The following ANKRD23 variants were observed in gnomAD, a reference collection of about 807,000 sequenced individuals.
The protein encoded by ANKRD23 is ankyrin repeat domain-containing protein 23.
Under a neutral mutation model 38.1 loss-of-function variants are expected in ANKRD23, and 52 were observed. The observed-to-expected ratio is 1.36, with a 90% CI of 1.09 to 1.72. ANKRD23 has a LOEUF of 1.72. ANKRD23 is among the 40% of genes most tolerant of loss of function. The probability of loss-of-function intolerance (pLI) is 0.00; values close to 1 mark genes in which losing one functional copy is unlikely to be tolerated. For missense variants in ANKRD23, 416 were observed against 400.2 expected (o/e 1.04, Z -0.34); for synonymous variants, 167 against 162.9 (o/e 1.03, Z -0.19).
rs1330623898 is a variant in ANKRD23, at chr2:96,840,323, C to T, written c.533G>A (p.Arg178Lys). 2.5e-6 allele frequency: 4 copies of T among 1,606,370 alleles called. No homozygotes were observed. In the South Asian group the frequency reaches 3.3e-5, roughly 13 times the overall value. Reference protein sequence around the residue: ...ATVDARDLLDRTPVFWACRGG... With the variant: ...ATVDARDLLDKTPVFWACRGG... Reference sequence around the variant, plus strand: ...GCGGCAGGCCCAGAACACAGGTGTCCTGTCCAGCTGCAAAACAAAAGCACC... The same window carrying T: ...GCGGCAGGCCCAGAACACAGGTGTCTTGTCCAGCTGCAAAACAAAAGCACC... Residue 178 changes from arginine (R) to lysine (K), a missense_variant, in exon 6 of 9, where the codon AGG becomes AAG. Transcript: ENST00000318357.
rs762667075 is a variant in ANKRD23 at position 96,843,948 on chromosome 2, T to C, written c.27+18A>G. On this transcript the variant is annotated intron_variant, in intron 1 of 8. Coordinates refer to ENST00000318357, the MANE Select transcript of ANKRD23 (RefSeq NM_144994.8). ...AGCCGGTCCCAGGGTGCCTCCCACCTCCGTCCCACATCCTTACCAACTGCT... is the reference window on the plus strand; with the variant it reads ...AGCCGGTCCCAGGGTGCCTCCCACCCCCGTCCCACATCCTTACCAACTGCT... The C allele has an allele frequency of 6.2e-7, 1 of 1,603,904 alleles. No homozygotes were observed. The highest frequency in any genetic ancestry group is 1.7e-5 in the Admixed American group (1 of 58,342).
At chr2:96,843,701 G>A (rs911977836) in intron 1 of ANKRD23, among the ~76,000 whole-genome samples, 2 of 152,172 alleles carry the variant, frequency 1.3e-5, no homozygotes, top group Non-Finnish European at 2.9e-5. Context: ...ACGCTCAGCC[G>A]GGTGTGGGGG....
rs1297558675 is a variant in ANKRD23 at position 96,838,218 on chromosome 2, A to G, written c.*1331T>C. 8 of 468,134 alleles carry G rather than the reference A, an allele frequency of 1.7e-5. No homozygotes were observed. The highest frequency in any genetic ancestry group is 4.0e-4 in the Middle Eastern group (1 of 2,470). The allele number at this position is 468,134 out of a possible 1,614,324, so 29.0% of individuals were successfully genotyped here. On this transcript the variant is annotated 3_prime_UTR_variant, in exon 9 of 9. Transcript: ENST00000318357. ...GAAAAGGAACCATGGCCAAATGCCT[A>G]TCAATCAGCCCGGTACCTAATGTAA...
Position 96,838,385 on chromosome 2 carries a change from C to T in ANKRD23, c.*1164G>A, listed in dbSNP as rs1175610644. ...CCCCACCAGCAGTACAGGCCTACAC[C>T]AGTGTAATTTGAAACGTACAGACGG... On this transcript the variant is annotated 3_prime_UTR_variant, in exon 9 of 9. Coordinates refer to ENST00000318357, the MANE Select transcript of ANKRD23 (RefSeq NM_144994.8). 1 of 988,026 alleles carries T rather than the reference C, an allele frequency of 1.0e-6. No individual in the cohort carries two copies. The highest frequency in any genetic ancestry group is 1.2e-6 in the Non-Finnish European group (1 of 830,194). 61.2% of individuals were successfully genotyped at this position (988,026 alleles called of 1,614,324 possible). A position where few individuals can be genotyped will look rare whatever the true frequency, so the allele number is the denominator to read the frequency against.
At position 96,839,013 on chromosome 2, in the gene ANKRD23, C is replaced by G. The variant is rs1247715928; in HGVS notation, c.*536G>C. The G allele has an allele frequency of 3.0e-5, 30 of 985,840 alleles. No homozygotes were observed. The highest frequency in any genetic ancestry group is 3.4e-5 in the Non-Finnish European group (28 of 830,336). The allele number at this position is 985,840 out of a possible 1,614,324, so 61.1% of individuals were successfully genotyped here. ...AATGGGGTCCCCAGAGAAAGCCATG[C>G]CCACAGGCATCCACCAGCTGCAGAC... On this transcript the variant is annotated 3_prime_UTR_variant, in exon 9 of 9. Transcript: ENST00000318357.
intron 1 of ANKRD23, 137 bp downstream of exon 1, chr2:96,843,829 T>C: frequency 2.4e-6 from 2 of 849,972 alleles, no homozygotes; most frequent in South Asian, 2.1e-5. Flanking sequence ...TACAGATTTT[T>C]ATAAAAGAAC....
In ANKRD23 at chr2:96,842,345, G is replaced by T. The variant is rs58147284; in HGVS notation, c.174+20C>A. ...GGGATTAGCCACTGCCCCCAACCCC[G>T]GCCCCCGCCCCTCTCTCACTTTCTT... On this transcript the variant is annotated intron_variant, in intron 2 of 8. Coordinates refer to ENST00000318357, the MANE Select transcript of ANKRD23 (RefSeq NM_144994.8). 7 of 1,060,138 alleles carry T rather than the reference G, an allele frequency of 6.6e-6. No homozygotes were observed. The highest frequency in any genetic ancestry group is 3.1e-5 in the African/African-American group (2 of 64,286). 65.7% of individuals were successfully genotyped at this position (1,060,138 alleles called of 1,614,324 possible).
intron 1 of ANKRD23, 112 bp downstream of exon 1, chr2:96,843,854 C>T: frequency 9.9e-7 from 1 of 1,007,560 alleles, no homozygotes; most frequent in Non-Finnish European, 1.5e-6. Context: ...TGCTTCCCTG[C>T]ACCTAAGACT....
chr2:96,841,625 A>T (rs13407201), intron 3 of ANKRD23, among the ~76,000 whole-genome samples: 2,040 of 146,064 alleles, frequency 0.014, 54 homozygotes, highest in African/African-American at 0.051. Flanking sequence ...AAAAAAAAAA[A>T]GTTGGGGGAG....
rs1377586023 is a variant in ANKRD23, at chr2:96,840,093, G to A, written c.627C>T (p.Ile209=). Residue 209 remains isoleucine, a splice_region_variant and synonymous_variant, in exon 7 of 9, where the codon ATC becomes ATT. Transcript: ENST00000318357. ...QGARVNARDK[I]GSTPLHVAVR... Reference sequence around the variant, plus strand: ...CTGCCACGTGCAGGGGGGTGCTCCCGATCTGAGAGCAAGTGGGGGTCAGTG... The same window carrying A: ...CTGCCACGTGCAGGGGGGTGCTCCCAATCTGAGAGCAAGTGGGGGTCAGTG... 6.4e-7 allele frequency: 1 copy of A among 1,554,584 alleles called. No individual in the cohort carries two copies. The highest frequency in any genetic ancestry group is 8.7e-7 in the Non-Finnish European group (1 of 1,148,478).
Position 96,839,842 on chromosome 2 carries a change from C to T in ANKRD23, c.724-17G>A, listed in dbSNP as rs370902350. 2.5e-5 allele frequency: 41 copies of T among 1,608,034 alleles called. No homozygotes were observed. Among genetic ancestry groups the T allele is most frequent in the Non-Finnish European group, 3.5e-5 (41 of 1,177,580 alleles). ...GTCCCCTTCCTGCTGAGAACGCAGGCAGTCAAGCTTCTGCCTCCGCGTGCT... is the reference window on the plus strand; with the variant it reads ...GTCCCCTTCCTGCTGAGAACGCAGGTAGTCAAGCTTCTGCCTCCGCGTGCT... On this transcript the variant is annotated splice_polypyrimidine_tract_variant and intron_variant, in intron 7 of 8. Transcript: ENST00000318357.
chr2:96,843,742 G>A (rs1264332370), intron 1 of ANKRD23, among the ~76,000 whole-genome samples: 1 of 152,138 alleles, frequency 6.6e-6, no homozygotes, highest in African/African-American at 2.4e-5. Flanking sequence ...TACTTGGGAG[G>A]CCCAGGTGGG....
Position 96,839,830 on chromosome 2 carries a change from T to C in ANKRD23, c.724-5A>G. 6.2e-7 allele frequency: 1 copy of C among 1,611,322 alleles called. No homozygotes were observed. The highest frequency in any genetic ancestry group is 1.1e-5 in the South Asian group (1 of 90,668). On this transcript the variant is annotated splice_polypyrimidine_tract_variant and splice_region_variant and intron_variant, in intron 7 of 8. Coordinates refer to ENST00000318357, the MANE Select transcript of ANKRD23 (RefSeq NM_144994.8). ...GTGCAGAGCCGTGTCCCCTTCCTGC[T>C]GAGAACGCAGGCAGTCAAGCTTCTG...
At position 96,842,389 on chromosome 2, in the gene ANKRD23, T is replaced by C; in HGVS notation, c.150A>G (p.Lys50=). Residue 50 remains lysine (K), a synonymous_variant, in exon 2 of 9, where the codon AAA becomes AAG. Coordinates refer to ENST00000318357, the MANE Select transcript of ANKRD23 (RefSeq NM_144994.8). ...PQEAVAREKL[K]LEEEKKKKLE... ...CTTTCTTCTTCTTCTCTTCTTCCAATTTCAGCTTCTCCCGGGCCACAGCCT... is the reference window on the plus strand; with the variant it reads ...CTTTCTTCTTCTTCTCTTCTTCCAACTTCAGCTTCTCCCGGGCCACAGCCT... The C allele has an allele frequency of 6.9e-6, 10 of 1,443,014 alleles. No homozygotes were observed. Among genetic ancestry groups the C allele is most frequent in the South Asian group, 3.4e-5 (3 of 87,936 alleles). 89.4% of individuals were successfully genotyped at this position (1,443,014 alleles called of 1,614,324 possible). A position where few individuals can be genotyped will look rare whatever the true frequency, so the allele number is the denominator to read the frequency against.
Position 96,838,458 on chromosome 2 carries a change from A to AGGGAAGGGAT in ANKRD23, c.*1081_*1090dup. 8.1e-6 allele frequency: 8 copies of AGGGAAGGGAT among 986,686 alleles called. No individual in the cohort carries two copies. The highest frequency in any genetic ancestry group is 6.1e-5 in the Admixed American group (1 of 16,286). 61.1% of individuals were successfully genotyped at this position (986,686 alleles called of 1,614,324 possible). The stretch of plus-strand genomic sequence containing the variant: ...TTGGGTCCTTAGACCACCAGGGAGC[A>AGGGAAGGGAT]GGGAAGGGATGGGAAGGGCTGGGGG... On this transcript the variant is annotated 3_prime_UTR_variant, in exon 9 of 9. Coordinates refer to ENST00000318357, the MANE Select transcript of ANKRD23 (RefSeq NM_144994.8).
At chr2:96,840,588 G>C (rs1559021480) in intron 4 of ANKRD23, 74 bp from the exon 5 acceptor site, 1 of 1,558,348 alleles carries the variant, frequency 6.4e-7, no homozygotes, top group East Asian at 2.3e-5. Context: ...CCCCTTCCCA[G>C]GGCCAGGTCC....
At position 96,840,014 on chromosome 2, in the gene ANKRD23, G is replaced by A. The variant is rs529605819; in HGVS notation, c.706C>T (p.Leu236=). 9.6e-6 allele frequency: 15 copies of A among 1,557,730 alleles called. 1 individual carries two copies. The South Asian group carries it at 1.5e-4, about 16-fold the overall frequency. The change falls in exon 7 of 9, where the codon CTG becomes TTG. Residue 236 remains leucine (L), a synonymous_variant. Transcript: ENST00000318357. ...LEHLIECGAH[L]NAQDKEGDTA... is the part of the protein sequence containing the mutation. ...TGCCTTACCTTATCCTGTGCGTTCAGGTGGGCGCCACACTCGATGAGGTGC... is the reference window on the plus strand; with the variant it reads ...TGCCTTACCTTATCCTGTGCGTTCAAGTGGGCGCCACACTCGATGAGGTGC...
intron 6 of ANKRD23, 62 bp downstream of exon 6, chr2:96,840,170 T>C (rs2079743274): frequency 1.9e-6 from 3 of 1,567,154 alleles, no homozygotes; most frequent in Non-Finnish European, 2.6e-6. Flanking sequence ...CGTGCTCTCT[T>C]CTCCAGGAAC....
rs751259312 is a variant in ANKRD23, at chr2:96,842,366, TTCTTCTTCTTC to T, written c.162_172del (p.Lys55ThrfsTer2). The T allele has an allele frequency of 3.4e-6, 5 of 1,476,660 alleles. No individual in the cohort carries two copies. Among genetic ancestry groups the T allele is most frequent in the Non-Finnish European group, 4.6e-6 (5 of 1,083,026 alleles). 91.5% of individuals were successfully genotyped at this position (1,476,660 alleles called of 1,614,324 possible). On this transcript the variant is annotated frameshift_variant and splice_region_variant, in exon 2 of 9. Transcript: ENST00000318357. LOFTEE classifies it high-confidence loss of function. ...CCCCGGCCCCCGCCCCTCTCTCACT[TTCTTCTTCTTC>T]TCTTCTTCCAATTTCAGCTTCTCCC... is the stretch of plus-strand genomic sequence containing the variant.
Sources: gnomAD v4.1 joint callset for allele counts (sites outside exome capture counted in the v4.1 genomes callset) on GRCh38, gnomAD v4.1.1 for gene constraint, MANE v1.5 for transcripts, NCBI Gene and HGNC (gene_info 2026-07-23, HGNC 2026-07-21) for gene names.